The following CCDC33 variants were observed in gnomAD, a reference collection of about 807,000 sequenced individuals.
The protein encoded by CCDC33 is coiled-coil domain containing 33.
A neutral mutation model predicts 91.9 loss-of-function variants in CCDC33; 94 were observed. The observed-to-expected ratio is 1.02, with a 90% CI of 0.87 to 1.21. The LOEUF (loss-of-function observed/expected upper bound fraction) is 1.21. Among genes scored for constraint, CCDC33 ranks in the 50% most tolerant of loss-of-function variants. The pLI, the probability that CCDC33 is intolerant of heterozygous loss-of-function variation, is 0.00. For missense variants in CCDC33, 940 were observed against 935.5 expected, an observed-to-expected ratio of 1.00 and a Z score of -0.06; for synonymous variants, 396 against 374.5, an observed-to-expected ratio of 1.06 and a Z score of -0.66.
upstream of CCDC33, among the ~76,000 whole-genome samples, chr15:74,232,843 C>T (rs1489389970): frequency 6.6e-6 from 1 of 152,166 alleles, no homozygotes; most frequent in Non-Finnish European, 1.5e-5. Context: ...TTGGTGAGTT[C>T]TCCCCCACTG....
chr15:74,268,302 T>C (rs755844068), intron 4 of CCDC33, 40 bp from the exon 5 acceptor site: 2 of 1,441,490 alleles, frequency 1.4e-6, no homozygotes, highest in Non-Finnish European at 2.0e-6. Context: ...CCTTAGACAC[T>C]CTCCTTCCTC....
At position 74,236,517 on chromosome 15, in the gene CCDC33, C is replaced by A. The variant is rs2075162035; in HGVS notation, c.-203C>A. On this transcript the variant is annotated 5_prime_UTR_variant, in exon 1 of 19. Coordinates refer to ENST00000398814, the MANE Select transcript of CCDC33 (RefSeq NM_025055.5). ...GGACCTGCTCCCACCTGGCCACCCT[C>A]CCCCTCCCCCCACATCCAGGCCCCA... 3.9e-5 allele frequency: 14 copies of A among 358,488 alleles called. No homozygotes were observed. The highest frequency in any genetic ancestry group is 5.2e-5 in the Non-Finnish European group (10 of 190,818). The allele number at this position is 358,488 out of a possible 1,614,324, so 22.2% of individuals were successfully genotyped here. A position where few individuals can be genotyped will look rare whatever the true frequency, so the allele number is the denominator to read the frequency against.
In CCDC33 at chr15:74,332,855, C is replaced by T. The variant is rs753066239; in HGVS notation, c.1938+10C>T. The T allele has an allele frequency of 7.4e-6, 12 of 1,612,838 alleles. No homozygotes were observed. The South Asian group carries it at 1.2e-4, about 16-fold the overall frequency. On this transcript the variant is annotated intron_variant, in intron 16 of 18. Coordinates refer to ENST00000398814, the MANE Select transcript of CCDC33 (RefSeq NM_025055.5). ...GCAACAGGCCCTGCCGGTAAGAGGC[C>T]CTTGACCTGGGCCTGCCTATGCCGG...
intron 11 of CCDC33, among the ~76,000 whole-genome samples, chr15:74,322,813 C>A (rs2060233022): frequency 6.6e-6 from 1 of 152,170 alleles, no homozygotes; most frequent in Non-Finnish European, 1.5e-5. Context: ...GGCCTGCCAG[C>A]GATGGATCCT....
At chr15:74,314,363 G>A (rs1326085559) in intron 11 of CCDC33, among the ~76,000 whole-genome samples, 1 of 152,234 alleles carries the variant, frequency 6.6e-6, no homozygotes, top group Admixed American at 6.5e-5. Flanking sequence ...TGAACTGGGA[G>A]GACCTCAGTC....
intron 7 of CCDC33, 137 bp downstream of exon 7, chr15:74,273,028 G>C: frequency 8.5e-7 from 1 of 1,176,746 alleles, no homozygotes; most frequent in Non-Finnish European, 1.2e-6. Context: ...ACCCAGTGCT[G>C]TGCTCGCCTG....
intron 1 of CCDC33, chr15:74,208,769 A>G (rs1595870976): frequency 1.0e-6 from 1 of 987,916 alleles, no homozygotes; most frequent in Non-Finnish European, 1.2e-6. Flanking sequence ...TTCCAATCCC[A>G]CCTGGCCTCC....
At chr15:74,260,589 C>T (rs976651449) in intron 2 of CCDC33, among the ~76,000 whole-genome samples, 4 of 152,126 alleles carry the variant, frequency 2.6e-5, no homozygotes, top group Non-Finnish European at 4.4e-5. Context: ...TCTCTCAGGG[C>T]GGTACTATTG....
chr15:74,308,982 G>C (rs2059942130), intron 11 of CCDC33, among the ~76,000 whole-genome samples: 2 of 151,818 alleles, frequency 1.3e-5, no homozygotes, highest in African/African-American at 2.4e-5. Context: ...GTATGTGGGT[G>C]GGGGGGCTCC....
intron 2 of CCDC33, among the ~76,000 whole-genome samples, chr15:74,259,460 A>C (rs930743908): frequency 9.2e-5 from 14 of 151,918 alleles, no homozygotes; most frequent in Admixed American, 1.3e-4. Context: ...GACCCGGAGG[A>C]GTCAGCTGTG....
chr15:74,293,755 C>A (rs184791892), intron 10 of CCDC33, among the ~76,000 whole-genome samples: 3 of 152,194 alleles, frequency 2.0e-5, no homozygotes, highest in Non-Finnish European at 4.4e-5. Flanking sequence ...CCTCGGGGTC[C>A]CCCAGTGTCC....
upstream of CCDC33, among the ~76,000 whole-genome samples, chr15:74,231,377 C>T (rs879823732): frequency 2.8e-4 from 42 of 152,204 alleles, no homozygotes; most frequent in Admixed American, 4.6e-4. Context: ...TTATGGGGGC[C>T]GGCCAGCCAT....
At chr15:74,215,683 GA>G (rs2074422856), upstream of CCDC33, among the ~76,000 whole-genome samples, 1 of 152,062 alleles carries the variant, frequency 6.6e-6, no homozygotes, top group African/African-American at 2.4e-5. Context: ...AAGGCCAACA[GA>G]GCCACCTCAG....
At chr15:74,318,006 G>A (rs1366313338) in intron 11 of CCDC33, among the ~76,000 whole-genome samples, 1 of 151,094 alleles carries the variant, frequency 6.6e-6, no homozygotes, top group Admixed American at 6.6e-5. Context: ...GCAGCCAGAG[G>A]AAGTCCCCAG....
At chr15:74,336,245 C>T (rs1281760868), downstream of CCDC33, 1 of 1,423,626 alleles carries the variant, frequency 7.0e-7, no homozygotes, top group Non-Finnish European at 9.2e-7. Flanking sequence ...GCCTTACAGC[C>T]TCCCGCCTGC....
At position 74,218,473 on chromosome 15, in the gene CCDC33, T is replaced by C. The variant is rs1456623786; in HGVS notation, c.311-24T>C. The C allele has an allele frequency of 7.9e-7, 1 of 1,261,322 alleles. No individual in the cohort carries two copies. Among genetic ancestry groups the C allele is most frequent in the East Asian group, 5.6e-5 (1 of 17,848 alleles). The allele number at this position is 1,261,322 out of a possible 1,614,324, so 78.1% of individuals were successfully genotyped here. A position where few individuals can be genotyped will look rare whatever the true frequency, so the allele number is the denominator to read the frequency against. ...ATGCAGAGAAACCTGAGACCATCTC[T>C]GAGCCCTGTGTTCCCTCATCCAGGT... On this transcript the variant is annotated intron_variant, in intron 1 of 2. Transcript: ENST00000635913. This position sits in a 1 kb window ranked among gnomAD's most constrained non-coding sequence, Gnocchi z 4.8.
rs2074513641 is a variant in CCDC33, at chr15:74,218,795, C to T, written c.609C>T (p.Ser203=). ...GCCCTCAGCCTCCAGTCTCAGACAG[C>T]CCTCCCAGGGCTGGCCAGCCAGAAC... is the stretch of plus-strand genomic sequence containing the variant. The change falls in exon 2 of 3, where the codon AGC becomes AGT. Residue 203 remains serine (S), a synonymous_variant. Coordinates refer to the CCDC33 transcript ENST00000635913. This position sits in a 1 kb window ranked among gnomAD's most constrained non-coding sequence, Gnocchi z 4.8. 3.9e-6 allele frequency: 5 copies of T among 1,287,144 alleles called. No individual in the cohort carries two copies. Among genetic ancestry groups the T allele is most frequent in the Non-Finnish European group, 5.1e-6 (5 of 987,308 alleles). The allele number at this position is 1,287,144 out of a possible 1,614,324, so 79.7% of individuals were successfully genotyped here. A position where few individuals can be genotyped will look rare whatever the true frequency, so the allele number is the denominator to read the frequency against.
intron 10 of CCDC33, among the ~76,000 whole-genome samples, chr15:74,293,528 A>G (rs777716656): frequency 1.3e-5 from 2 of 152,052 alleles, no homozygotes; most frequent in African/African-American, 2.4e-5. Context: ...ACTTTTTCCT[A>G]TCTAAAACAC....
chr15:74,251,152 C>T (rs1053783412), intron 2 of CCDC33, among the ~76,000 whole-genome samples: 3 of 152,236 alleles, frequency 2.0e-5, no homozygotes, highest in Non-Finnish European at 4.4e-5. Flanking sequence ...GCCTGGCTGG[C>T]TTGTGTTCTG....
Sources: allele counts gnomAD v4.1 joint callset (sites outside exome capture counted in the v4.1 genomes callset), GRCh38; gene constraint gnomAD v4.1.1; non-coding constraint Gnocchi (gnomAD v3.1); transcripts MANE v1.5; gene names NCBI Gene and HGNC (gene_info 2026-07-23, HGNC 2026-07-21).